The following MOK variants were observed in gnomAD, a reference collection of about 807,000 sequenced individuals.
The protein encoded by MOK is MOK protein kinase.
MOK carries 59 observed loss-of-function variants against 54.2 expected under a neutral mutation model. The observed-to-expected ratio is 1.09, with a 90% CI of 0.88 to 1.35. The LOEUF is 1.35. MOK is among the 40% of genes most tolerant of loss of function. The pLI, the probability that MOK is intolerant of heterozygous loss-of-function variation, is 0.00. For missense variants in MOK, 517 were observed against 526.2 expected (o/e 0.98, Z 0.17); for synonymous variants, 210 against 202.7 (o/e 1.04, Z -0.31).
chr14:102,272,680 C>T (rs768003966), intron 2 of MOK, among the ~76,000 whole-genome samples: 1 of 151,976 alleles, frequency 6.6e-6, no homozygotes, highest in East Asian at 1.9e-4. Context: ...AATAATAATA[C>T]CAAAAAGTCA....
rs533886032 is a variant in MOK, at chr14:102,288,876, T to C, written c.8-5284A>G. Among the ~76,000 whole-genome samples, 24 of 152,270 alleles carry C rather than the reference T, an allele frequency of 1.6e-4. No individual in the cohort carries two copies. In the South Asian group the frequency reaches 4.4e-3, roughly 28 times the overall value. ...TTGGCATGTTCACTTCACCAACTTGTATACTTAAATGTAAGTGCAGCTTTG... is the reference window on the plus strand; with the variant it reads ...TTGGCATGTTCACTTCACCAACTTGCATACTTAAATGTAAGTGCAGCTTTG... On this transcript the variant is annotated intron_variant, in intron 1 of 11. Transcript: ENST00000361847.
At chr14:102,223,849 G>C (rs192227405), downstream of MOK, among the ~76,000 whole-genome samples, 259 of 152,100 alleles carry the variant, frequency 1.7e-3, no homozygotes, top group African/African-American at 3.3e-3. Context: ...CTCTGTGGTC[G>C]CCTCACAGCC....
At chr14:102,272,359 G>A (rs925868852) in intron 2 of MOK, among the ~76,000 whole-genome samples, 10 of 151,892 alleles carry the variant, frequency 6.6e-5, no homozygotes, top group African/African-American at 1.9e-4. Context: ...ATGGTGGCAC[G>A]CGCCTGTAAT....
intron 1 of MOK, among the ~76,000 whole-genome samples, chr14:102,284,234 G>A (rs577840381): frequency 6.6e-6 from 1 of 151,944 alleles, no homozygotes; most frequent in East Asian, 1.9e-4. Context: ...CTTGATGTGG[G>A]GTGCTGCTGT....
At chr14:102,227,153 A>G (rs1353350882), downstream of MOK, among the ~76,000 whole-genome samples, 3 of 152,188 alleles carry the variant, frequency 2.0e-5, no homozygotes, top group African/African-American at 7.2e-5. Context: ...AGCCTGCAGA[A>G]GAACTGTAAA....
intron 3 of MOK, 189 bp from the exon 4 acceptor site, chr14:102,263,805 A>C (rs531730677): frequency 1.4e-5 from 6 of 429,860 alleles, no homozygotes; most frequent in Non-Finnish European, 2.0e-5. Context: ...TTAACTAAAA[A>C]TACTAGCAAA....
Position 102,232,510 on chromosome 14 carries a change from C to A in MOK, c.866+25G>T. The A allele has an allele frequency of 6.2e-7, 1 of 1,602,366 alleles. No homozygotes were observed. Among genetic ancestry groups the A allele is most frequent in the South Asian group, 1.1e-5 (1 of 90,046 alleles). ...TCATTTGCCAGGTCCTGCATCTGCC[C>A]CACCGAACCCACGAGAGTGCCTACC... On this transcript the variant is annotated intron_variant, in intron 9 of 11. Coordinates refer to ENST00000361847, the MANE Select transcript of MOK (RefSeq NM_014226.3). The surrounding 1 kb of genome is among the most constrained non-coding windows in gnomAD (Gnocchi z 5.1).
intron 7 of MOK, among the ~76,000 whole-genome samples, chr14:102,234,567 G>A (rs1424050562): frequency 2.6e-5 from 4 of 152,038 alleles, no homozygotes; most frequent in South Asian, 2.1e-4. Context: ...GAAAGGGGAC[G>A]TCACCGGCAG....
At chr14:102,298,451 C>G (rs2071710080) in intron 1 of MOK, among the ~76,000 whole-genome samples, 1 of 151,870 alleles carries the variant, frequency 6.6e-6, no homozygotes, top group African/African-American at 2.4e-5. Context: ...GTAAACACAC[C>G]AATCAGCACC....
chr14:102,217,671 G>A, the MOK span, among the ~76,000 whole-genome samples: 1 of 152,204 alleles, frequency 6.6e-6, no homozygotes, highest in Non-Finnish European at 1.5e-5. Context: ...GACTGGCTTC[G>A]GGTGCCGTGA....
At chr14:102,303,844 G>A (rs1284338195) in intron 1 of MOK, among the ~76,000 whole-genome samples, 1 of 152,182 alleles carries the variant, frequency 6.6e-6, no homozygotes, top group African/African-American at 2.4e-5. Flanking sequence ...GCTAAGTGAA[G>A]GACGGGTTTA....
chr14:102,219,581 T>C (rs1371782460), downstream of MOK, among the ~76,000 whole-genome samples: 4 of 152,170 alleles, frequency 2.6e-5, no homozygotes, highest in African/African-American at 7.2e-5. Flanking sequence ...TTAACTCCTC[T>C]TAGAGACCAC....
At chr14:102,233,117 C>T (rs2064889102) in intron 8 of MOK, 1 of 156,872 alleles carries the variant, frequency 6.4e-6, no homozygotes, top group Non-Finnish European at 1.4e-5. Flanking sequence ...CACCTTCCCA[C>T]ATGAGAAGAA....
intron 4 of MOK, among the ~76,000 whole-genome samples, chr14:102,261,690 C>T (rs144840224): frequency 7.9e-4 from 120 of 151,312 alleles, no homozygotes; most frequent in Non-Finnish European, 1.3e-3. Flanking sequence ...CATGCCACCA[C>T]GCCCGGCTAA....
At chr14:102,260,075 C>G (rs576433312) in intron 4 of MOK, among the ~76,000 whole-genome samples, 1 of 151,662 alleles carries the variant, frequency 6.6e-6, no homozygotes, top group East Asian at 1.9e-4. Flanking sequence ...ACTTGGGAGG[C>G]TAAGGCAGGA....
intron 2 of MOK, among the ~76,000 whole-genome samples, chr14:102,277,617 CA>C (rs560243565): frequency 0.033 from 3,115 of 95,398 alleles, 49 homozygotes; most frequent in South Asian, 0.13. Flanking sequence ...GACTCCGTCT[CA>C]AAAAAAAAAA....
intron 1 of MOK, among the ~76,000 whole-genome samples, chr14:102,302,930 G>A (rs2072399261): frequency 6.6e-6 from 1 of 151,372 alleles, no homozygotes. Context: ...GGGAGGCTGA[G>A]GCGGGTGGAT....
At chr14:102,234,384 G>T (rs1597266998) in intron 7 of MOK, among the ~76,000 whole-genome samples, 1 of 151,924 alleles carries the variant, frequency 6.6e-6, no homozygotes, top group Non-Finnish European at 1.5e-5. Context: ...CCTCCGCCAG[G>T]GTGAGTAAAA....
In MOK at chr14:102,278,731, G is replaced by A. The variant is rs78905174; in HGVS notation, c.122+4747C>T. On this transcript the variant is annotated intron_variant, in intron 2 of 11. Coordinates refer to ENST00000361847, the MANE Select transcript of MOK (RefSeq NM_014226.3). Reference sequence around the variant, plus strand: ...AACAATGGATCTTCCTCCCAGGGCCGCAGTGAGGATTCAATGACACATGCA... The same window carrying A: ...AACAATGGATCTTCCTCCCAGGGCCACAGTGAGGATTCAATGACACATGCA... 2.1e-3 allele frequency: 961 copies of A among 456,122 alleles called. 7 individuals carry two copies. Among genetic ancestry groups the A allele is most frequent in the African/African-American group, 0.015 (777 of 50,190 alleles). The allele number at this position is 456,122 out of a possible 1,614,324, so 28.3% of individuals were successfully genotyped here.
Sources: gnomAD v4.1 joint callset for allele counts (sites outside exome capture counted in the v4.1 genomes callset) on GRCh38, gnomAD v4.1.1 for gene constraint, Gnocchi (gnomAD v3.1) non-coding constraint, MANE v1.5 for transcripts, NCBI Gene and HGNC (gene_info 2026-07-23, HGNC 2026-07-21) for gene names.